Variants in PLEKHH1 observed in about 807,000 individuals in gnomAD.
The protein encoded by PLEKHH1 is pleckstrin homology, MyTH4 and FERM domain containing H1.
In PLEKHH1, 104 loss-of-function variants were observed where a neutral mutation model predicts 160.0. The ratio of observed to expected loss-of-function variants is 0.65; its 90% CI spans 0.55 to 0.76. The LOEUF (loss-of-function observed/expected upper bound fraction) is 0.76, where lower values mean the gene tolerates loss of function less well. Ranked by LOEUF, PLEKHH1 falls within the 30% of genes least tolerant of loss-of-function variation. The probability of loss-of-function intolerance (pLI) is 0.00; values close to 1 mark genes in which losing one functional copy is unlikely to be tolerated. For missense variants in PLEKHH1, 1,427 were observed against 1,724.1 expected (o/e 0.83, Z 3.05); for synonymous variants, 619 against 678.4 (o/e 0.91, Z 1.36).
chr14:67,574,484 G>A lies in PLEKHH1; in HGVS notation c.2088+81G>A. On this transcript the variant is annotated intron_variant, in intron 14 of 28. Transcript: ENST00000329153. The surrounding 1 kb of genome is among the most constrained non-coding windows in gnomAD (Gnocchi z 4.2). ...CAGGATTGGGGTGCCGAGGGTGGTG[G>A]GTTCCCCCTTATACGGGGCTCCTTT... is the stretch of plus-strand genomic sequence containing the variant. 1 of 1,200,096 alleles carries A rather than the reference G, an allele frequency of 8.3e-7. No homozygotes were observed. Among genetic ancestry groups the A allele is most frequent in the Middle Eastern group, 2.9e-4 (1 of 3,420 alleles). 74.3% of individuals were successfully genotyped at this position (1,200,096 alleles called of 1,614,324 possible).
rs760463605 is a variant in PLEKHH1, at chr14:67,541,833, G to A, written c.-34-1G>A. 19 of 1,543,510 alleles carry A rather than the reference G, an allele frequency of 1.2e-5. No homozygotes were observed. Among genetic ancestry groups the A allele is most frequent in the Admixed American group, 4.1e-5 (2 of 49,038 alleles). ...TCCTCTTTCTGCATGCTGGTTCTTA[G>A]GGCTCCCCAGAATAATCCAGAAGTC... On this transcript the variant is annotated splice_acceptor_variant, in intron 1 of 28. Coordinates refer to ENST00000329153, the MANE Select transcript of PLEKHH1 (RefSeq NM_020715.3). LOFTEE classifies it low-confidence loss of function (5UTR_SPLICE).
intron 1 of PLEKHH1, among the ~76,000 whole-genome samples, chr14:67,539,281 T>C (rs1368194672): frequency 1.3e-5 from 2 of 152,210 alleles, no homozygotes; most frequent in African/African-American, 2.4e-5. Flanking sequence ...CATGTTTTGT[T>C]TTTGTCTTTT....
rs1594774343 is a variant in PLEKHH1 at position 67,569,245 on chromosome 14, C to G, written c.1342+29C>G. 2.0e-6 allele frequency: 3 copies of G among 1,529,028 alleles called. 1 individual carries two copies. Among genetic ancestry groups the G allele is most frequent in the Admixed American group, 3.3e-5 (2 of 59,850 alleles). 94.7% of individuals were successfully genotyped at this position (1,529,028 alleles called of 1,614,324 possible). ...AGTTCCAAGTGAGGCTTGGAGGCAC[C>G]AAACACCCAAGGTGGGCAGGGTGGG... is the stretch of plus-strand genomic sequence containing the variant. On this transcript the variant is annotated intron_variant, in intron 8 of 28. Transcript: ENST00000329153.
chr14:67,584,402 G>T (rs1415885655), intron 26 of PLEKHH1, among the ~76,000 whole-genome samples: 1 of 152,196 alleles, frequency 6.6e-6, no homozygotes, highest in Non-Finnish European at 1.5e-5. Flanking sequence ...CCTCTCAAGA[G>T]TGCTTTCATT....
At chr14:67,579,693 C>A (rs1183665041) in intron 21 of PLEKHH1, 28 bp from the exon 22 acceptor site, 1 of 1,606,356 alleles carries the variant, frequency 6.2e-7, no homozygotes, top group Non-Finnish European at 8.5e-7. Context: ...GAGGTTCACT[C>A]AGGGTTGGAA....
At chr14:67,563,630 A>G (rs538979640) in intron 7 of PLEKHH1, among the ~76,000 whole-genome samples, 3 of 149,724 alleles carry the variant, frequency 2.0e-5, no homozygotes, top group East Asian at 2.0e-4. Context: ...GCAGGGTTTC[A>G]CCATGTTGGT....
At chr14:67,567,389 G>A (rs2035153803) in intron 7 of PLEKHH1, among the ~76,000 whole-genome samples, 2 of 152,174 alleles carry the variant, frequency 1.3e-5, no homozygotes, top group African/African-American at 2.4e-5. Flanking sequence ...TTGTCAAACA[G>A]TCATAGGTTT....
intron 7 of PLEKHH1, among the ~76,000 whole-genome samples, chr14:67,563,673 T>G (rs1566741670): frequency 6.6e-6 from 1 of 151,346 alleles, no homozygotes; most frequent in South Asian, 2.1e-4. Flanking sequence ...CCTCAGGTGA[T>G]CCACCCTCTT....
rs143964097 is a variant in PLEKHH1 at position 67,540,965 on chromosome 14, C to A, written c.-34-869C>A. Among the ~76,000 whole-genome samples the A allele has an allele frequency of 2.3e-4, 35 of 152,294 alleles. No homozygotes were observed. In the East Asian group the frequency reaches 6.7e-3, roughly 29 times the overall value. On this transcript the variant is annotated intron_variant, in intron 1 of 28. Transcript: ENST00000329153. ...TGGCTGGACATACTATAGGTGTCTA[C>A]TTGATTTGTTCTGAATTTGTACAAA...
Position 67,562,780 on chromosome 14 carries a change from C to T in PLEKHH1, c.1149C>T (p.Pro383=), listed in dbSNP as rs1192142817. ...AGAAGATGGAGATGGAGGAGCCACC[C>T]CCAGCAGGGAAGAATGAGGAAAGAG... The part of the protein sequence containing the change: ...EPEKMEMEEP[P]PAGKNEERES... The change falls in exon 7 of 29, where the codon CCC becomes CCT. Residue 383 remains proline, a synonymous_variant. Coordinates refer to ENST00000329153, the MANE Select transcript of PLEKHH1 (RefSeq NM_020715.3). 2.5e-6 allele frequency: 4 copies of T among 1,613,660 alleles called. No individual in the cohort carries two copies. Among genetic ancestry groups the T allele is most frequent in the Non-Finnish European group, 3.4e-6 (4 of 1,179,792 alleles).
At position 67,541,856 on chromosome 14, in the gene PLEKHH1, G is replaced by A. The variant is rs749982666; in HGVS notation, c.-12G>A. 1.9e-6 allele frequency: 3 copies of A among 1,587,164 alleles called. No individual in the cohort carries two copies. Among genetic ancestry groups the A allele is most frequent in the Admixed American group, 3.6e-5 (2 of 55,788 alleles). ...TAGGGCTCCCCAGAATAATCCAGAAGTCGATTCCATCATGGCAGAACTCAA... is the reference window on the plus strand; with the variant it reads ...TAGGGCTCCCCAGAATAATCCAGAAATCGATTCCATCATGGCAGAACTCAA... On this transcript the variant is annotated 5_prime_UTR_variant, in exon 2 of 29. Transcript: ENST00000329153.
In PLEKHH1 at chr14:67,575,434, G is replaced by A. The variant is rs374024390; in HGVS notation, c.2131G>A (p.Gly711Arg). 34 of 1,609,938 alleles carry A rather than the reference G, an allele frequency of 2.1e-5. No individual in the cohort carries two copies. The highest frequency in any genetic ancestry group is 2.8e-5 in the Non-Finnish European group (33 of 1,178,040). The change falls in exon 15 of 29, where the codon GGG (glycine) becomes AGG (arginine). Residue 711 changes from glycine (G) to arginine (R), a missense_variant. By Grantham distance (125) the Gly-to-Arg change is moderately radical. Coordinates refer to ENST00000329153, the MANE Select transcript of PLEKHH1 (RefSeq NM_020715.3). ...HSKVVWCALV[G>R]KIFYYYRSHE... ...CAAGGTGGTCTGGTGCGCTCTTGTT[G>A]GGAAAATCTTCTACTACTATCGGAG...
chr14:67,581,132 G>C (rs907343868), intron 23 of PLEKHH1, 94 bp downstream of exon 23: 127 of 786,064 alleles, frequency 1.6e-4, no homozygotes, highest in Non-Finnish European at 2.2e-6. Context: ...ATCCAGACGG[G>C]GGGAGGGACC....
Position 67,579,778 on chromosome 14 carries a change from G to T in PLEKHH1, c.3085G>T (p.Glu1029Ter). The T allele has an allele frequency of 2.5e-6, 4 of 1,612,698 alleles. No individual in the cohort carries two copies. Among genetic ancestry groups the T allele is most frequent in the Non-Finnish European group, 3.4e-6 (4 of 1,179,406 alleles). ...VDEFLQRLNQ[E>*]IGMRKPSHSG... ...TGAGTTCCTCCAGCGGCTGAACCAGGAGATAGGCATGAGAAAGCCATCCCA... is the reference window on the plus strand; with the variant it reads ...TGAGTTCCTCCAGCGGCTGAACCAGTAGATAGGCATGAGAAAGCCATCCCA... Residue 1029 changes from glutamate (E) to a stop codon, truncating the protein, a stop_gained, in exon 22 of 29, where the codon GAG becomes TAG. Coordinates refer to ENST00000329153, the MANE Select transcript of PLEKHH1 (RefSeq NM_020715.3). LOFTEE classifies it high-confidence loss of function.
chr14:67,541,166 T>C (rs1390124241), intron 1 of PLEKHH1, among the ~76,000 whole-genome samples: 2 of 152,212 alleles, frequency 1.3e-5, no homozygotes, highest in East Asian at 3.8e-4. Context: ...GTCAAAGACA[T>C]TCAAAGCATT....
intron 7 of PLEKHH1, 95 bp from the exon 8 acceptor site, chr14:67,569,043 C>A: frequency 1.2e-6 from 1 of 805,590 alleles, no homozygotes; most frequent in Non-Finnish European, 2.0e-6. Context: ...ACAGGTCTGC[C>A]CACCCCCAAA....
chr14:67,588,559 A>C lies in PLEKHH1; in HGVS notation c.*1324A>C. On this transcript the variant is annotated 3_prime_UTR_variant, in exon 29 of 29. Transcript: ENST00000329153. ...CCCCTCAATTCAGACCTTCTGATTG[A>C]GTGCAGAGGAGACTAGACAGTCTCC... The C allele has an allele frequency of 6.6e-6, 1 of 152,096 alleles. No individual in the cohort carries two copies. The highest frequency in any genetic ancestry group is 1.9e-4 in the East Asian group (1 of 5,182). 9.4% of individuals were successfully genotyped at this position (152,096 alleles called of 1,614,324 possible).
intron 1 of PLEKHH1, among the ~76,000 whole-genome samples, chr14:67,536,273 G>A (rs184142057): frequency 3.3e-5 from 5 of 151,918 alleles, no homozygotes; most frequent in East Asian, 1.9e-4. Context: ...TGAGATCAGA[G>A]GAAGTTGTCC....
Position 67,573,154 on chromosome 14 carries a change from TC to T in PLEKHH1, c.1729-121del. The T allele has an allele frequency of 4.6e-6, 3 of 650,080 alleles. No individual in the cohort carries two copies. The highest frequency in any genetic ancestry group is 8.3e-6 in the Non-Finnish European group (3 of 360,474). 40.3% of individuals were successfully genotyped at this position (650,080 alleles called of 1,614,324 possible). On this transcript the variant is annotated intron_variant, in intron 11 of 28. Coordinates refer to ENST00000329153, the MANE Select transcript of PLEKHH1 (RefSeq NM_020715.3). The surrounding 1 kb of genome is among the most constrained non-coding windows in gnomAD (Gnocchi z 4.8). ...CTCTGAAAATACACTGAGTAGGTAC[TC>T]AATAATTTTGTATTTAATTGATGAC...
Sources: gnomAD v4.1 joint callset for allele counts (sites outside exome capture counted in the v4.1 genomes callset) on GRCh38, gnomAD v4.1.1 for gene constraint, Gnocchi (gnomAD v3.1) non-coding constraint, MANE v1.5 for transcripts, NCBI Gene and HGNC (gene_info 2026-07-23, HGNC 2026-07-21) for gene names.